CELF2: variants seen among roughly 807,000 people sequenced by gnomAD.
CELF2 encodes CUGBP Elav-like family member 2, also known as CUG triplet repeat RNA-binding protein 2.
In CELF2, 8 loss-of-function variants were observed where a neutral mutation model predicts 62.6. The ratio of observed to expected loss-of-function variants is 0.13; its 90% CI spans 0.07 to 0.23. The LOEUF is 0.23. CELF2 is among the 10% of genes least tolerant of loss of function. The probability of loss-of-function intolerance (pLI) is 1.00; values close to 1 mark genes in which losing one functional copy is unlikely to be tolerated. For synonymous variants in CELF2, 258 were observed against 250.0 expected, an observed-to-expected ratio of 1.03 and a Z score of -0.30; for missense variants, 333 against 671.0, an observed-to-expected ratio of 0.50 and a Z score of 5.56.
rs998183879 is a variant in CELF2 at position 11,211,026 on chromosome 10, C to A, written c.272-6399C>A. On this transcript the variant is annotated intron_variant, in intron 2 of 12. Coordinates refer to ENST00000633077, the MANE Select transcript of CELF2 (RefSeq NM_001326342.2). This position sits in a 1 kb window ranked among gnomAD's most constrained non-coding sequence, Gnocchi z 4.8. The stretch of plus-strand genomic sequence containing the variant: ...ATGCTCAGTGGCTCATGCCTGTAAT[C>A]GTAGCACTTTGGGAGGCCAAGGCAG... Among the ~76,000 whole-genome samples, 3 of 152,204 alleles carry A rather than the reference C, an allele frequency of 2.0e-5. No homozygotes were observed. The highest frequency in any genetic ancestry group is 1.9e-4 in the East Asian group (1 of 5,206).
At chr10:10,832,696 C>A (rs2057968925) in intron 1 of CELF2, among the ~76,000 whole-genome samples, 1 of 152,172 alleles carries the variant, frequency 6.6e-6, no homozygotes, top group African/African-American at 2.4e-5. Flanking sequence ...ATTTACAGGA[C>A]CTTTTCCCTA....
intron 2 of CELF2, among the ~76,000 whole-genome samples, chr10:10,986,847 C>A (rs1445310360): frequency 1.3e-5 from 2 of 152,114 alleles, no homozygotes; most frequent in Non-Finnish European, 2.9e-5. Context: ...TTCTTACCAC[C>A]AAATATAATG....
the CELF2 span, among the ~76,000 whole-genome samples, chr10:10,710,477 A>C: frequency 1.3e-5 from 2 of 152,210 alleles, no homozygotes; most frequent in Non-Finnish European, 2.9e-5. Flanking sequence ...TATTAAGCAC[A>C]TGCTCCACAA....
the CELF2 span, among the ~76,000 whole-genome samples, chr10:10,666,358 A>T: frequency 1.5e-4 from 23 of 152,270 alleles, no homozygotes; most frequent in African/African-American, 5.5e-4. Flanking sequence ...GGTGCCCAGC[A>T]TAGCACCAGG....
chr10:11,268,921 C>T lies in CELF2; in HGVS notation c.619-1745C>T, dbSNP rs1357992745. ...ATCGTGCCTTCTGTTTCTCCACTTG[C>T]CTTCACTCTATCCCTGCCCTGTGTT... On this transcript the variant is annotated intron_variant, in intron 6 of 12. Transcript: ENST00000633077. This position sits in a 1 kb window ranked among gnomAD's most constrained non-coding sequence, Gnocchi z 4.7. Among the ~76,000 whole-genome samples the T allele has an allele frequency of 2.0e-5, 3 of 152,154 alleles. No individual in the cohort carries two copies. The highest frequency in any genetic ancestry group is 4.4e-5 in the Non-Finnish European group (3 of 68,034).
the CELF2 span, among the ~76,000 whole-genome samples, chr10:10,663,001 G>T: frequency 1.3e-5 from 2 of 152,248 alleles, no homozygotes; most frequent in East Asian, 1.9e-4. Context: ...AGGAGCTATT[G>T]TTCCACTTCT....
At chr10:11,286,005 T>C (rs1353501510) in intron 8 of CELF2, among the ~76,000 whole-genome samples, 1 of 151,828 alleles carries the variant, frequency 6.6e-6, no homozygotes, top group African/African-American at 2.4e-5. Flanking sequence ...CACGAAAGAG[T>C]TATAAACAAA....
At chr10:11,107,666 C>T (rs147749215) in intron 1 of CELF2, among the ~76,000 whole-genome samples, 1,971 of 152,010 alleles carry the variant, frequency 0.013, 40 homozygotes, top group Admixed American at 0.046. Flanking sequence ...CTTCTGAACC[C>T]TTAATCCGGT....
intron 2 of CELF2, among the ~76,000 whole-genome samples, chr10:11,210,881 T>G (rs189430927): frequency 6.6e-6 from 1 of 152,334 alleles, no homozygotes; most frequent in Admixed American, 6.5e-5. Flanking sequence ...CATGTATGTA[T>G]CACAATACCA....
chr10:11,283,515 A>G (rs983441006), intron 8 of CELF2, among the ~76,000 whole-genome samples: 4 of 147,408 alleles, frequency 2.7e-5, no homozygotes, highest in Admixed American at 2.7e-4. Flanking sequence ...TGGATAATGG[A>G]TGGATGGGTG....
chr10:10,603,629 T>TA, the CELF2 span, among the ~76,000 whole-genome samples: 1 of 152,158 alleles, frequency 6.6e-6, no homozygotes, highest in Admixed American at 6.6e-5. Flanking sequence ...TATTTTACGT[T>TA]AAAAAATTCA....
the CELF2 span, among the ~76,000 whole-genome samples, chr10:10,554,339 C>T: frequency 1.3e-5 from 2 of 152,076 alleles, no homozygotes; most frequent in African/African-American, 2.4e-5. Flanking sequence ...AGAGAGCATG[C>T]GTTCCTGAGC....
chr10:10,535,103 C>G, the CELF2 span, among the ~76,000 whole-genome samples: 2 of 152,172 alleles, frequency 1.3e-5, no homozygotes, highest in Admixed American at 6.5e-5. Flanking sequence ...GACAGGAACC[C>G]CTTCCCCAGA....
At chr10:10,525,676 A>C in the CELF2 span, among the ~76,000 whole-genome samples, 17 of 152,196 alleles carry the variant, frequency 1.1e-4, no homozygotes, top group Non-Finnish European at 1.9e-4. Context: ...CTCTTCTTTA[A>C]GGCTGAATAG....
chr10:11,008,589 A>T lies in CELF2; in HGVS notation c.53+3149A>T, dbSNP rs2055755108. ...TGAATCAATACTAATTATTGTAATC[A>T]GGGGGGTTAATTAGGTGAAAATGTG... is the stretch of plus-strand genomic sequence containing the variant. On this transcript the variant is annotated intron_variant, in intron 1 of 12. Transcript: ENST00000416382. This position sits in a 1 kb window ranked among gnomAD's most constrained non-coding sequence, Gnocchi z 4.5. Among the ~76,000 whole-genome samples the T allele has an allele frequency of 6.6e-6, 1 of 152,172 alleles. No homozygotes were observed. Among genetic ancestry groups the T allele is most frequent in the Non-Finnish European group, 1.5e-5 (1 of 68,022 alleles).
the CELF2 span, among the ~76,000 whole-genome samples, chr10:10,463,695 G>A: frequency 6.6e-6 from 1 of 152,078 alleles, no homozygotes; most frequent in Non-Finnish European, 1.5e-5. Flanking sequence ...AGAGGTTTAG[G>A]CTTGTCAATG....
chr10:10,635,707 T>G, the CELF2 span, among the ~76,000 whole-genome samples: 1 of 152,236 alleles, frequency 6.6e-6, no homozygotes, highest in African/African-American at 2.4e-5. Context: ...TCGAGTTGTC[T>G]CTAAATAATC....
chr10:11,022,127 T>C (rs1434111052), intron 1 of CELF2, among the ~76,000 whole-genome samples: 1 of 152,226 alleles, frequency 6.6e-6, no homozygotes, highest in Non-Finnish European at 1.5e-5. Context: ...CCTGATACTC[T>C]GATGGTCATG....
chr10:10,535,780 G>A, the CELF2 span, among the ~76,000 whole-genome samples: 1 of 152,068 alleles, frequency 6.6e-6, no homozygotes, highest in Non-Finnish European at 1.5e-5. Flanking sequence ...TGGCTTGGGG[G>A]ACCTTATCCA....
Sources: gnomAD v4.1 joint callset for allele counts (sites outside exome capture counted in the v4.1 genomes callset) on GRCh38, gnomAD v4.1.1 for gene constraint, Gnocchi (gnomAD v3.1) non-coding constraint, MANE v1.5 for transcripts, NCBI Gene and HGNC (gene_info 2026-07-23, HGNC 2026-07-21) for gene names.